VPS13D: variants seen among roughly 807,000 people sequenced by gnomAD.
VPS13D encodes intermembrane lipid transfer protein VPS13D.
A neutral mutation model predicts 461.9 loss-of-function variants in VPS13D; 187 were observed. The observed-to-expected ratio is 0.40, with a 90% CI of 0.36 to 0.46. The LOEUF is 0.46. Ranked by LOEUF, VPS13D falls within the 20% of genes least tolerant of loss-of-function variation. VPS13D has a pLI of 0.60. For missense variants in VPS13D, 4,711 were observed against 5,364.9 expected, an observed-to-expected ratio of 0.88 and a Z score of 3.81; for synonymous variants, 1,951 against 1,986.3, an observed-to-expected ratio of 0.98 and a Z score of 0.47.
At chr1:12,302,471 A>G (rs957413307) in intron 25 of VPS13D, among the ~76,000 whole-genome samples, 6 of 152,232 alleles carry the variant, frequency 3.9e-5, no homozygotes, top group Non-Finnish European at 8.8e-5. Context: ...GATACTGAAG[A>G]CATTTTTGCA....
At chr1:12,278,550 C>A (rs1302672793) in intron 19 of VPS13D, among the ~76,000 whole-genome samples, 5 of 152,220 alleles carry the variant, frequency 3.3e-5, no homozygotes, top group East Asian at 3.8e-4. Flanking sequence ...GTTGGGATTA[C>A]AAGTGTGACC....
chr1:12,353,201 A>C (rs1475730199), intron 46 of VPS13D, among the ~76,000 whole-genome samples: 1 of 152,074 alleles, frequency 6.6e-6, no homozygotes, highest in Admixed American at 6.6e-5. Context: ...GGATGTATAG[A>C]ACAACATGGC....
chr1:12,295,637 T>C (rs1642254813), intron 24 of VPS13D, among the ~76,000 whole-genome samples: 1 of 152,212 alleles, frequency 6.6e-6, no homozygotes, highest in African/African-American at 2.4e-5. Flanking sequence ...ATATATAACC[T>C]TTTTTTCTTT....
In VPS13D at chr1:12,318,173, C is replaced by G; in HGVS notation, c.7250C>G (p.Pro2417Arg). ...TTAGTCCATGATTTTCTCCACACTCCCAGTGATATTAAGAAACAAAATCAT... is the reference window on the plus strand; with the variant it reads ...TTAGTCCATGATTTTCTCCACACTCGCAGTGATATTAAGAAACAAAATCAT... Reference protein sequence around the residue: ...LLLVHDFLHTPSDIKKQNHVT... With the variant: ...LLLVHDFLHTRSDIKKQNHVT... Residue 2417 changes from proline (P) to arginine (R), a missense_variant, in exon 31 of 70, where the codon CCC becomes CGC. This residue lies in a region of VPS13D where 4,411 missense variants were observed against 4,937.8 expected (regional missense o/e 0.89). Coordinates refer to ENST00000620676, the MANE Select transcript of VPS13D (RefSeq NM_015378.4). 3 of 1,614,128 alleles carry G rather than the reference C, an allele frequency of 1.9e-6. No individual in the cohort carries two copies. Among genetic ancestry groups the G allele is most frequent in the Non-Finnish European group, 2.5e-6 (3 of 1,180,032 alleles).
chr1:12,440,376 G>A (rs977858947), intron 65 of VPS13D, among the ~76,000 whole-genome samples: 3 of 152,202 alleles, frequency 2.0e-5, no homozygotes, highest in Admixed American at 1.3e-4. Flanking sequence ...GAAGAGCAGG[G>A]CTGGAGCAGC....
rs776979965 is a variant in VPS13D at position 12,290,991 on chromosome 1, T to G, written c.5726-7T>G. 1 of 1,604,126 alleles carries G rather than the reference T, an allele frequency of 6.2e-7. No individual in the cohort carries two copies. Among genetic ancestry groups the G allele is most frequent in the Non-Finnish European group, 8.5e-7 (1 of 1,177,350 alleles). ...ATAGTAATGTGTTCTAACTTTATCA[T>G]CCCTAGAGGGAGACCTGGCCTTACA... is the stretch of plus-strand genomic sequence containing the variant. On this transcript the variant is annotated splice_polypyrimidine_tract_variant and splice_region_variant and intron_variant, in intron 22 of 69. Coordinates refer to ENST00000620676, the MANE Select transcript of VPS13D (RefSeq NM_015378.4).
chr1:12,311,136 G>A (rs548519652), intron 27 of VPS13D, among the ~76,000 whole-genome samples: 6 of 152,042 alleles, frequency 3.9e-5, no homozygotes, highest in African/African-American at 7.2e-5. Flanking sequence ...GGCTGGTCTC[G>A]AACTCCTGGG....
At position 12,304,578 on chromosome 1, in the gene VPS13D, C is replaced by T. The variant is rs769274793; in HGVS notation, c.6289C>T (p.Pro2097Ser). The T allele has an allele frequency of 1.9e-6, 3 of 1,614,062 alleles. No homozygotes were observed. The South Asian group carries it at 3.3e-5, about 18-fold the overall frequency. Reference sequence around the variant, plus strand: ...GAGGAAAACGACAAGCACGGAGGAGCCCAGGGGAACCCATTCCCAGGGGCA... The same window carrying T: ...GAGGAAAACGACAAGCACGGAGGAGTCCAGGGGAACCCATTCCCAGGGGCA... Reference protein sequence around the residue: ...SLRKTTSTEEPRGTHSQGQFT... With the variant: ...SLRKTTSTEESRGTHSQGQFT... Residue 2097 changes from proline (P) to serine (S), a missense_variant, in exon 26 of 70, where the codon CCC becomes TCC. Physicochemically the swap from Pro to Ser is moderately conservative, Grantham distance 74. Transcript: ENST00000620676.
intron 41 of VPS13D, among the ~76,000 whole-genome samples, chr1:12,342,216 G>A (rs1643585263): frequency 6.6e-6 from 1 of 152,150 alleles, no homozygotes; most frequent in Non-Finnish European, 1.5e-5. Flanking sequence ...AAAGAGCTAT[G>A]TGTGGTTATC....
At position 12,454,444 on chromosome 1, in the gene VPS13D, G is replaced by T. The variant is rs1645300323; in HGVS notation, c.12334-1554G>T. On this transcript the variant is annotated intron_variant, in intron 65 of 69. Coordinates refer to ENST00000620676, the MANE Select transcript of VPS13D (RefSeq NM_015378.4). ...GACAGGCAGTGATATGGAAGGCAAG[G>T]CAGAAAGCAAACAAATAATGATAGG... Among the ~76,000 whole-genome samples the T allele has an allele frequency of 2.0e-5, 3 of 152,220 alleles. 1 individual carries two copies. In the South Asian group the frequency reaches 6.2e-4, roughly 32 times the overall value.
Position 12,299,190 on chromosome 1 carries a change from T to G in VPS13D, c.6034-12T>G. 2 of 1,553,960 alleles carry G rather than the reference T, an allele frequency of 1.3e-6. No individual in the cohort carries two copies. The highest frequency in any genetic ancestry group is 1.7e-6 in the Non-Finnish European group (2 of 1,154,614). On this transcript the variant is annotated splice_polypyrimidine_tract_variant and intron_variant, in intron 24 of 69. Transcript: ENST00000620676. This position sits in a 1 kb window ranked among gnomAD's most constrained non-coding sequence, Gnocchi z 4.2. ...TAATTATCCTCTGAGTCAGTTTTCC[T>G]TCCTCTTTCAGGTGAGAGATCAAGC...
At chr1:12,313,016 CT>C (rs1209615749) in intron 29 of VPS13D, among the ~76,000 whole-genome samples, 2 of 152,110 alleles carry the variant, frequency 1.3e-5, no homozygotes, top group Non-Finnish European at 2.9e-5. Context: ...ACTTAATAAC[CT>C]TTTCATGTTG....
intron 15 of VPS13D, 50 bp downstream of exon 15, chr1:12,267,970 A>G: frequency 2.0e-6 from 3 of 1,516,774 alleles, no homozygotes; most frequent in Non-Finnish European, 2.7e-6. Context: ...TTTTAAATTA[A>G]TTTTTCTTTG....
rs1553187933 is a variant in VPS13D at position 12,396,029 on chromosome 1, A to ATGTATT, written c.11635-4152_11635-4151insTGTATT. Among the ~76,000 whole-genome samples the ATGTATT allele has an allele frequency of 8.6e-4, 103 of 119,828 alleles. 5 individuals carry two copies. The highest frequency in any genetic ancestry group is 3.4e-3 in the African/African-American group (89 of 26,172). 78.6% of individuals were successfully genotyped at this position (119,828 alleles called of 152,430 possible). On this transcript the variant is annotated intron_variant, in intron 60 of 69. Coordinates refer to ENST00000620676, the MANE Select transcript of VPS13D (RefSeq NM_015378.4). ...TATATATATATATATATATATATATAGTTCTTTAAGATCAATAAAATTAAT... is the reference window on the plus strand; with the variant it reads ...TATATATATATATATATATATATATATGTATTGTTCTTTAAGATCAATAAAATTAAT...
At chr1:12,416,630 G>A (rs780942546) in intron 64 of VPS13D, 30 bp from the exon 65 acceptor site, 3 of 1,602,956 alleles carry the variant, frequency 1.9e-6, no homozygotes, top group South Asian at 1.1e-5. Context: ...GATGCTGATT[G>A]GACTTTTCTC....
At chr1:12,291,949 G>C (rs937871728) in intron 23 of VPS13D, among the ~76,000 whole-genome samples, 3 of 152,112 alleles carry the variant, frequency 2.0e-5, no homozygotes, top group African/African-American at 7.2e-5. Flanking sequence ...TTCAGGCATG[G>C]CTGGTTATTA....
chr1:12,494,191 A>G (rs1032346471), intron 67 of VPS13D, among the ~76,000 whole-genome samples: 4 of 152,252 alleles, frequency 2.6e-5, no homozygotes, highest in African/African-American at 7.2e-5. Flanking sequence ...TCAAAAGTCA[A>G]GAACCCTGGA....
chr1:12,403,194 T>C (rs1301280935), intron 62 of VPS13D, among the ~76,000 whole-genome samples: 1 of 152,252 alleles, frequency 6.6e-6, no homozygotes, highest in African/African-American at 2.4e-5. Context: ...CAGCATCAAG[T>C]GCAAAGAGCA....
intron 65 of VPS13D, among the ~76,000 whole-genome samples, chr1:12,449,287 C>T (rs2100372878): frequency 6.6e-6 from 1 of 152,220 alleles, no homozygotes. Context: ...ATACATAATC[C>T]ATAACCAAGT....
Sources: allele counts gnomAD v4.1 joint callset (sites outside exome capture counted in the v4.1 genomes callset), GRCh38; gene constraint gnomAD v4.1.1; regional missense constraint gnomAD v4.1.1; non-coding constraint Gnocchi (gnomAD v3.1); transcripts MANE v1.5; gene names NCBI Gene and HGNC (gene_info 2026-07-23, HGNC 2026-07-21).